The following IFT140 variants were observed in gnomAD, a reference collection of about 807,000 sequenced individuals.
IFT140 encodes the protein intraflagellar transport protein 140 homolog.
IFT140 carries 133 observed loss-of-function variants against 164.6 expected under a neutral mutation model. The ratio of observed to expected loss-of-function variants is 0.81; its 90% CI spans 0.70 to 0.93. The LOEUF is 0.93. Ranked by LOEUF, IFT140 falls within the 40% of genes least tolerant of loss-of-function variation. IFT140 has a pLI of 0.00. For synonymous variants in IFT140, 860 were observed against 817.3 expected (o/e 1.05, Z -0.89); for missense variants, 2,045 against 1,972.3 (o/e 1.04, Z -0.70).
chr16:1,525,911 G>A lies in IFT140; in HGVS notation c.2744C>T (p.Ala915Val), dbSNP rs377196633. ...HRYAGHLEAS[A>V]DCSRALSYYE... ...CTAACTGAGGGCCCGGCTGCAGTCG[G>A]CGCTGGCCTCCAGGTGCCCGGCATA... The change falls in exon 21 of 31, where the codon GCC (alanine) becomes GTC (valine). Residue 915 changes from alanine (A) to valine (V), a missense_variant. Transcript: ENST00000426508. 1.3e-6 allele frequency: 2 copies of A among 1,557,750 alleles called. No individual in the cohort carries two copies. The highest frequency in any genetic ancestry group is 1.4e-5 in the African/African-American group (1 of 73,584).
chr16:1,523,935 G>A lies in IFT140; in HGVS notation c.3163C>T (p.Leu1055Phe). The change falls in exon 25 of 31, where the codon CTC becomes TTC. Residue 1055 changes from leucine (L) to phenylalanine (F), a missense_variant. Transcript: ENST00000426508. ...GAGCTCAGCAGGGCCAAGTTCATGAGCTGGTCGTCCAGGCCGTTCTCCTGC... is the reference window on the plus strand; with the variant it reads ...GAGCTCAGCAGGGCCAAGTTCATGAACTGGTCGTCCAGGCCGTTCTCCTGC... ...LCKENGLDDQ[L>F]MNLALLSSPE... is the part of the protein sequence containing the mutation. 1 of 1,612,880 alleles carries A rather than the reference G, an allele frequency of 6.2e-7. No individual in the cohort carries two copies.
At chr16:1,514,233 G>C (rs892843925) in intron 30 of IFT140, 1 of 152,028 alleles carries the variant, frequency 6.6e-6, no homozygotes, top group Non-Finnish European at 1.5e-5. Flanking sequence ...AACTGGGCGT[G>C]GTGGCGGGCG....
Position 1,564,297 on chromosome 16 carries a change from T to C in IFT140, c.1902-135A>G, listed in dbSNP as rs1223114445. On this transcript the variant is annotated intron_variant, in intron 16 of 30. Coordinates refer to ENST00000426508, the MANE Select transcript of IFT140 (RefSeq NM_014714.4). The surrounding 1 kb of genome is among the most constrained non-coding windows in gnomAD (Gnocchi z 5.5). ...TCCACGCGCTCAGCTCTGGGAGAAC[T>C]TTTGGGGTCTCACTGCCATGCGCCC... 1.7e-5 allele frequency: 10 copies of C among 603,168 alleles called. No homozygotes were observed. The African/African-American group carries it at 1.9e-4, about 12-fold the overall frequency. The allele number at this position is 603,168 out of a possible 1,614,324, so 37.4% of individuals were successfully genotyped here.
chr16:1,573,317 G>C (rs2034115015), intron 13 of IFT140, among the ~76,000 whole-genome samples: 1 of 152,062 alleles, frequency 6.6e-6, no homozygotes, highest in Non-Finnish European at 1.5e-5. Flanking sequence ...GAGGCTCCTC[G>C]GTGAGCTCAC....
chr16:1,526,850 G>A lies in IFT140; in HGVS notation c.2400-54C>T. ...CCTGCCCAGCACCTCAGGGCCCCCT[G>A]GCCCTACGGCCCCTTCTCCTGGGGC... is the stretch of plus-strand genomic sequence containing the variant. On this transcript the variant is annotated intron_variant, in intron 19 of 30. Transcript: ENST00000426508. The A allele has an allele frequency of 1.3e-5, 20 of 1,526,308 alleles. No homozygotes were observed. The South Asian group carries it at 2.3e-4, about 18-fold the overall frequency. The allele number at this position is 1,526,308 out of a possible 1,614,324, so 94.5% of individuals were successfully genotyped here.
chr16:1,526,083 G>A lies in IFT140; in HGVS notation c.2578-6C>T, dbSNP rs1176226785. On this transcript the variant is annotated splice_region_variant and splice_polypyrimidine_tract_variant and intron_variant, in intron 20 of 30. Coordinates refer to ENST00000426508, the MANE Select transcript of IFT140 (RefSeq NM_014714.4). ...TACAGCTGCTCGGCGTCCTCCTGAG[G>A]AATGAGGATGGGCAGGTGTCGTGCA... 1 of 1,576,508 alleles carries A rather than the reference G, an allele frequency of 6.3e-7. No homozygotes were observed. Among genetic ancestry groups the A allele is most frequent in the Non-Finnish European group, 8.6e-7 (1 of 1,161,196 alleles).
intron 19 of IFT140, among the ~76,000 whole-genome samples, chr16:1,539,080 C>G (rs958667756): frequency 1.3e-5 from 2 of 150,340 alleles, no homozygotes; most frequent in African/African-American, 5.0e-5. Context: ...GCAAGCTGCA[C>G]AGTGCCAGAT....
Position 1,518,299 on chromosome 16 carries a change from G to C in IFT140, c.4099C>G (p.Pro1367Ala). The change falls in exon 30 of 31, where the codon CCA becomes GCA. Residue 1367 changes from proline to alanine, a missense_variant. Pro to Ala is a conservative substitution (Grantham distance 27). Coordinates refer to ENST00000426508, the MANE Select transcript of IFT140 (RefSeq NM_014714.4). ...ATGCGGATGGTGCTGTCCAGGTCTG[G>C]TTCCTCCAGGAGCAGCTCACACTGC... Reference protein sequence around the residue: ...IKQCELLLEEPDLDSTIRIGD... With the variant: ...IKQCELLLEEADLDSTIRIGD... 2 of 1,614,126 alleles carry C rather than the reference G, an allele frequency of 1.2e-6. No individual in the cohort carries two copies. The highest frequency in any genetic ancestry group is 1.7e-6 in the Non-Finnish European group (2 of 1,180,022).
chr16:1,557,310 T>C (rs1236516683), intron 19 of IFT140, among the ~76,000 whole-genome samples: 1 of 152,300 alleles, frequency 6.6e-6, no homozygotes, highest in East Asian at 1.9e-4. Flanking sequence ...GCCATGCTGC[T>C]TCAGAAGGAC....
At chr16:1,568,112 G>T in intron 15 of IFT140, 105 bp downstream of exon 15, 1 of 774,642 alleles carries the variant, frequency 1.3e-6, no homozygotes, top group Non-Finnish European at 2.2e-6. Context: ...ACACAGGACA[G>T]GAAGACTTGC....
At chr16:1,523,390 G>A (rs1427939650) in intron 26 of IFT140, 128 bp downstream of exon 26, 3 of 952,722 alleles carry the variant, frequency 3.1e-6, no homozygotes, top group Non-Finnish European at 4.6e-6. Context: ...TAGGGCAGGG[G>A]GCACCCACCG....
At chr16:1,528,028 G>C (rs1229907557) in intron 19 of IFT140, among the ~76,000 whole-genome samples, 1 of 152,206 alleles carries the variant, frequency 6.6e-6, no homozygotes, top group East Asian at 1.9e-4. Flanking sequence ...AGAACCGTGT[G>C]TCCGCATGTG....
At position 1,602,286 on chromosome 16, in the gene IFT140, T is replaced by C. The variant is rs775486600; in HGVS notation, c.369+84A>G. On this transcript the variant is annotated intron_variant, in intron 4 of 30. Transcript: ENST00000426508. ...CAACTGAATTTGGCAACAGCACGGT[T>C]CCCATATTTTGATCTTTCATACTCT... 8.2e-4 allele frequency: 980 copies of C among 1,190,748 alleles called. 1 individual carries two copies. The highest frequency in any genetic ancestry group is 1.1e-3 in the Non-Finnish European group (909 of 816,260). 73.8% of individuals were successfully genotyped at this position (1,190,748 alleles called of 1,614,324 possible). A position where few individuals can be genotyped will look rare whatever the true frequency, so the allele number is the denominator to read the frequency against.
chr16:1,607,807 C>T (rs189478919), intron 2 of IFT140, among the ~76,000 whole-genome samples: 6 of 152,200 alleles, frequency 3.9e-5, no homozygotes, highest in Non-Finnish European at 5.9e-5. Flanking sequence ...CCATGCCCAG[C>T]TAATTTTTAA....
intron 29 of IFT140, among the ~76,000 whole-genome samples, chr16:1,518,710 G>A (rs953875852): frequency 2.6e-5 from 4 of 151,766 alleles, no homozygotes; most frequent in Non-Finnish European, 2.9e-5. Flanking sequence ...AGAGGCGCAC[G>A]GCACCCCTTG....
At chr16:1,542,693 G>T (rs1275344811) in intron 19 of IFT140, among the ~76,000 whole-genome samples, 2 of 152,266 alleles carry the variant, frequency 1.3e-5, no homozygotes, top group Non-Finnish European at 2.9e-5. Context: ...CGACAGTGAG[G>T]TGCCTGCACG....
Position 1,564,960 on chromosome 16 carries a change from T to C in IFT140, c.1902-798A>G, listed in dbSNP as rs2033629914. On this transcript the variant is annotated intron_variant, in intron 16 of 30. Transcript: ENST00000426508. This position sits in a 1 kb window ranked among gnomAD's most constrained non-coding sequence, Gnocchi z 5.5. ...AAGCAGGGCAGAGGGGCGAGTGCCA[T>C]GCTCCAGACAAGGCGGCTCTGAGGC... Among the ~76,000 whole-genome samples the C allele has an allele frequency of 6.6e-6, 1 of 152,072 alleles. No homozygotes were observed. Among genetic ancestry groups the C allele is most frequent in the African/African-American group, 2.4e-5 (1 of 41,398 alleles).
intron 19 of IFT140, among the ~76,000 whole-genome samples, chr16:1,547,956 G>A (rs1567355486): frequency 2.0e-5 from 3 of 152,186 alleles, no homozygotes; most frequent in Non-Finnish European, 2.9e-5. Flanking sequence ...GGATGAAGGT[G>A]TGGGCCACTG....
chr16:1,520,038 C>A lies in IFT140; in HGVS notation c.3883G>T (p.Asp1295Tyr). The change falls in exon 29 of 31, where the codon GAT (aspartate) becomes TAT (tyrosine). Residue 1295 changes from aspartate (D) to tyrosine (Y), a missense_variant. Transcript: ENST00000426508. ...GCTTTGTCGTAGTTCTGGTATTCATCAATCTCCACCTGTACAGATGAAACC... is the reference window on the plus strand; with the variant it reads ...GCTTTGTCGTAGTTCTGGTATTCATAAATCTCCACCTGTACAGATGAAACC... ...FYDACAQVEI[D>Y]EYQNYDKAHG... 1 of 1,599,710 alleles carries A rather than the reference C, an allele frequency of 6.3e-7. No homozygotes were observed. Among genetic ancestry groups the A allele is most frequent in the African/African-American group, 1.3e-5 (1 of 74,386 alleles).
Sources: gnomAD v4.1 joint callset for allele counts (sites outside exome capture counted in the v4.1 genomes callset) on GRCh38, gnomAD v4.1.1 for gene constraint, Gnocchi (gnomAD v3.1) non-coding constraint, MANE v1.5 for transcripts, NCBI Gene and HGNC (gene_info 2026-07-23, HGNC 2026-07-21) for gene names.